KIAA0825: variants seen among roughly 807,000 people sequenced by gnomAD.
The protein encoded by KIAA0825 is uncharacterized protein KIAA0825.
In KIAA0825, 119 loss-of-function variants were observed where a neutral mutation model predicts 147.6. The ratio of observed to expected loss-of-function variants is 0.81; its 90% CI spans 0.69 to 0.94. The LOEUF is 0.94. Among genes scored for constraint, KIAA0825 ranks in the 40% least tolerant of loss-of-function variants. The pLI is 0.00. For missense variants in KIAA0825, 1,381 were observed against 1,472.7 expected (o/e 0.94, Z 1.02); for synonymous variants, 470 against 518.1 (o/e 0.91, Z 1.26).
At position 94,396,255 on chromosome 5, in the gene KIAA0825, A is replaced by T. The variant is rs1292304797; in HGVS notation, c.3142T>A (p.Leu1048Met). The change falls in exon 17 of 21, where the codon TTG becomes ATG. Residue 1048 changes from leucine to methionine, a missense_variant. Physicochemically the swap from Leu to Met is conservative, Grantham distance 15. Coordinates refer to ENST00000682413, the MANE Select transcript of KIAA0825 (RefSeq NM_001145678.3). ...ASLDRWSKEK[L>M]GLICMCLKSI... ...TTCAAACACATACAAATTAAACCCAATTTTTCTTTACTCCATCTGTCAAGA... is the reference window on the plus strand; with the variant it reads ...TTCAAACACATACAAATTAAACCCATTTTTTCTTTACTCCATCTGTCAAGA... 1.3e-6 allele frequency: 2 copies of T among 1,551,418 alleles called. No homozygotes were observed. Among genetic ancestry groups the T allele is most frequent in the Non-Finnish European group, 1.7e-6 (2 of 1,146,892 alleles).
chr5:94,521,040 A>AT (rs1768090248), intron 4 of KIAA0825, 123 bp from the exon 5 acceptor site: 11 of 856,540 alleles, frequency 1.3e-5, no homozygotes, highest in Admixed American at 6.1e-5. Flanking sequence ...TTAAGATTTT[A>AT]TTTTTTTGCA....
intron 20 of KIAA0825, among the ~76,000 whole-genome samples, chr5:94,373,784 T>C (rs988030791): frequency 1.3e-5 from 2 of 152,210 alleles, no homozygotes; most frequent in Admixed American, 6.5e-5. Flanking sequence ...TTACTAGTTG[T>C]CACACAGTTT....
At chr5:94,371,476 C>G (rs1212735967) in intron 20 of KIAA0825, among the ~76,000 whole-genome samples, 1 of 152,152 alleles carries the variant, frequency 6.6e-6, no homozygotes, top group Non-Finnish European at 1.5e-5. Flanking sequence ...AGGAAACTTA[C>G]AATCATGATG....
chr5:94,260,181 A>G (rs745935347), intron 20 of KIAA0825, among the ~76,000 whole-genome samples: 2 of 152,132 alleles, frequency 1.3e-5, no homozygotes, highest in Admixed American at 6.6e-5. Context: ...GATGCTAGAC[A>G]TCAGGTTTGC....
At chr5:94,615,734 A>G (rs770979283) in intron 1 of KIAA0825, 5 of 151,904 alleles carry the variant, frequency 3.3e-5, no homozygotes, top group Non-Finnish European at 5.9e-5. Flanking sequence ...ATAAATATTT[A>G]TTTATGTGGT....
chr5:94,155,213 CTTTT>C (rs67704311), intron 20 of KIAA0825, among the ~76,000 whole-genome samples: 5 of 119,064 alleles, frequency 4.2e-5, no homozygotes, highest in Admixed American at 1.7e-4. Flanking sequence ...TATTTTCTTT[CTTTT>C]TTTTTTTTTT....
At chr5:94,156,511 T>G (rs932797300) in intron 20 of KIAA0825, among the ~76,000 whole-genome samples, 2 of 152,224 alleles carry the variant, frequency 1.3e-5, no homozygotes, top group Non-Finnish European at 2.9e-5. Context: ...CACATAAATA[T>G]TTTGATCATT....
intron 14 of KIAA0825, among the ~76,000 whole-genome samples, chr5:94,419,510 C>A (rs991217683): frequency 2.0e-5 from 3 of 152,108 alleles, no homozygotes; most frequent in Non-Finnish European, 4.4e-5. Flanking sequence ...TCTGTTCTAC[C>A]CAGTAGAGTT....
At chr5:94,285,005 T>C (rs1022734414) in intron 20 of KIAA0825, among the ~76,000 whole-genome samples, 2 of 152,266 alleles carry the variant, frequency 1.3e-5, no homozygotes, top group African/African-American at 4.8e-5. Context: ...TGTTTCATAT[T>C]CAGGGGCTGC....
In KIAA0825 at chr5:94,487,781, AAAAC is replaced by A. The variant is rs958326981; in HGVS notation, c.971-2855_971-2852del. 1.1e-4 allele frequency among the ~76,000 whole-genome samples: 16 copies of A among 152,228 alleles called. No homozygotes were observed. The East Asian group carries it at 1.2e-3, about 11-fold the overall frequency. ...ACCCCATCTCTACAAAAAAAATACC[AAAAC>A]AAACAAACAAACAAACAAATTAGCT... On this transcript the variant is annotated intron_variant, in intron 5 of 20. Transcript: ENST00000682413.
At chr5:94,212,610 C>G (rs187298896) in intron 20 of KIAA0825, among the ~76,000 whole-genome samples, 7 of 152,302 alleles carry the variant, frequency 4.6e-5, no homozygotes, top group Non-Finnish European at 1.0e-4. Context: ...TCACCCCACT[C>G]CCAAGTCTCA....
At chr5:94,406,494 T>C (rs1752082524) in intron 15 of KIAA0825, among the ~76,000 whole-genome samples, 1 of 152,186 alleles carries the variant, frequency 6.6e-6, no homozygotes, top group Non-Finnish European at 1.5e-5. Flanking sequence ...AGGCATTCTT[T>C]AAAAATAGAC....
chr5:94,537,714 G>T (rs1412838517), intron 2 of KIAA0825, among the ~76,000 whole-genome samples: 1 of 151,486 alleles, frequency 6.6e-6, no homozygotes, highest in Non-Finnish European at 1.5e-5. Flanking sequence ...TAAGCATCCT[G>T]CAGCTTCTCA....
rs189158695 is a variant in KIAA0825 at position 94,280,461 on chromosome 5, T to C, written c.3710+103907A>G. On this transcript the variant is annotated intron_variant, in intron 20 of 20. Coordinates refer to ENST00000682413, the MANE Select transcript of KIAA0825 (RefSeq NM_001145678.3). ...AGTACTTGGCATGACACACTCATCT[T>C]TTGCATAAAGAGATTTGCCATTTTA... Among the ~76,000 whole-genome samples the C allele has an allele frequency of 1.8e-3, 277 of 152,194 alleles. 1 individual carries two copies. The highest frequency in any genetic ancestry group is 6.5e-3 in the African/African-American group (272 of 41,552).
intron 20 of KIAA0825, among the ~76,000 whole-genome samples, chr5:94,342,535 T>C (rs1375554860): frequency 6.6e-6 from 1 of 152,206 alleles, no homozygotes; most frequent in Non-Finnish European, 1.5e-5. Context: ...ACAGAGGCTT[T>C]GATAAGTAAG....
intron 5 of KIAA0825, among the ~76,000 whole-genome samples, chr5:94,518,825 A>G (rs1392925946): frequency 6.6e-6 from 1 of 152,226 alleles, no homozygotes; most frequent in Non-Finnish European, 1.5e-5. Context: ...AAACACTTCA[A>G]TATCAACCCT....
chr5:94,516,440 T>A (rs568245008), intron 5 of KIAA0825, among the ~76,000 whole-genome samples: 169 of 152,262 alleles, frequency 1.1e-3, no homozygotes, highest in African/African-American at 3.7e-3. Flanking sequence ...GAGTTCTGAA[T>A]CATTATCAAT....
At chr5:94,440,565 G>T (rs895293685) in intron 13 of KIAA0825, among the ~76,000 whole-genome samples, 3 of 151,914 alleles carry the variant, frequency 2.0e-5, no homozygotes, top group Non-Finnish European at 4.4e-5. Context: ...TGTGATTGCA[G>T]ATGAAAAAAA....
chr5:94,550,815 C>A (rs1173221245), intron 2 of KIAA0825, among the ~76,000 whole-genome samples: 1 of 149,448 alleles, frequency 6.7e-6, no homozygotes, highest in South Asian at 2.1e-4. Context: ...GCACTCCAGC[C>A]TGGGCGACAG....
Sources: allele counts gnomAD v4.1 joint callset (sites outside exome capture counted in the v4.1 genomes callset), GRCh38; gene constraint gnomAD v4.1.1; transcripts MANE v1.5; gene names NCBI Gene and HGNC (gene_info 2026-07-23, HGNC 2026-07-21).